The following SPATA2L variants were observed in gnomAD, a reference collection of about 807,000 sequenced individuals.
SPATA2L encodes spermatogenesis associated 2 like, also known as spermatogenesis-associated protein 2-like protein.
Under a neutral mutation model 8.7 loss-of-function variants are expected in SPATA2L, and 5 were observed. The ratio of observed to expected loss-of-function variants is 0.57; its 90% CI spans 0.30 to 1.21. SPATA2L has a LOEUF of 1.21. SPATA2L is among the 50% of genes most tolerant of loss of function. The probability of loss-of-function intolerance (pLI) is 0.07; values close to 1 mark genes in which losing one functional copy is unlikely to be tolerated. For synonymous variants in SPATA2L, 358 were observed against 275.8 expected (o/e 1.30, Z -2.95); for missense variants, 671 against 591.0 (o/e 1.14, Z -1.40).
chr16:89,698,432 C>G, intron 2 of SPATA2L, 127 bp from the exon 3 acceptor site: 1 of 833,958 alleles, frequency 1.2e-6, no homozygotes, highest in Non-Finnish European at 1.8e-6. Flanking sequence ...ACCCCAGAGA[C>G]TAGGCTTAGC....
Position 89,697,351 on chromosome 16 carries a change from G to A in SPATA2L, c.1258C>T (p.Pro420Ser). ...AQMDTLLYNS[P>S]GARP ...CAGCTGGCCTAGGGCCGGGCCCCGG[G>A]GCTGTTGTAGAGCAGAGTGTCCATC... Residue 420 changes from proline to serine, a missense_variant, in exon 3 of 3, where the codon CCC becomes TCC. Coordinates refer to ENST00000289805, the MANE Select transcript of SPATA2L (RefSeq NM_152339.4). 1 of 1,523,612 alleles carries A rather than the reference G, an allele frequency of 6.6e-7. No homozygotes were observed. Among genetic ancestry groups the A allele is most frequent in the Non-Finnish European group, 8.8e-7 (1 of 1,134,412 alleles). 94.4% of individuals were successfully genotyped at this position (1,523,612 alleles called of 1,614,324 possible).
At position 89,698,287 on chromosome 16, in the gene SPATA2L, C is replaced by T. The variant is rs2060751293; in HGVS notation, c.322G>A (p.Val108Met). The change falls in exon 3 of 3, where the codon GTG becomes ATG. Residue 108 changes from valine to methionine, a missense_variant. Coordinates refer to ENST00000289805, the MANE Select transcript of SPATA2L (RefSeq NM_152339.4). ...GAGAGCACACCCTTCAGCACGTGCA[C>T]GTAGCCCCCAGAGAAGGTCTGCAAG... ...TTIKTFSGGY[V>M]HVLKGVLSDD... The T allele has an allele frequency of 1.3e-6, 2 of 1,573,782 alleles. No individual in the cohort carries two copies. The highest frequency in any genetic ancestry group is 1.7e-6 in the Non-Finnish European group (2 of 1,156,730).
chr16:89,698,532 C>T lies in SPATA2L; in HGVS notation c.304-227G>A, dbSNP rs1368842807. The stretch of plus-strand genomic sequence containing the variant: ...ACAGAGTCTTGCTCTGTCATCCAGG[C>T]TGGAGTGCAGTGGCTCCATCTCAGC... On this transcript the variant is annotated intron_variant, in intron 2 of 2. Transcript: ENST00000289805. Among the ~76,000 whole-genome samples the T allele has an allele frequency of 7.9e-5, 9 of 114,524 alleles. No homozygotes were observed. In the East Asian group the frequency reaches 2.7e-3, roughly 34 times the overall value. The allele number at this position is 114,524 out of a possible 152,430, so 75.1% of individuals were successfully genotyped here. A position where few individuals can be genotyped will look rare whatever the true frequency, so the allele number is the denominator to read the frequency against.
chr16:89,698,474 C>CTTTTTTTT (rs61610413), intron 2 of SPATA2L, among the ~76,000 whole-genome samples, 169 bp from the exon 3 acceptor site: 3 of 54,110 alleles, frequency 5.5e-5, no homozygotes, highest in Non-Finnish European at 9.7e-5. Context: ...ATGATGATTT[C>CTTTTTTTT]TTTTTTTTTT....
In SPATA2L at chr16:89,698,192, C is replaced by T. The variant is rs2060750432; in HGVS notation, c.417G>A (p.Val139=). The T allele has an allele frequency of 1.2e-6, 2 of 1,612,980 alleles. No individual in the cohort carries two copies. Among genetic ancestry groups the T allele is most frequent in the Non-Finnish European group, 8.5e-7 (1 of 1,179,906 alleles). Reference sequence around the variant, plus strand: ...GCTGGCAGGCGGGGGGCAGGGCGGTCACCATGAGCCGATGGCTGTCTCTGC... The same window carrying T: ...GCTGGCAGGCGGGGGGCAGGGCGGTTACCATGAGCCGATGGCTGTCTCTGC... ...YVRRDSHRLM[V]TALPPACQLV... The change falls in exon 3 of 3, where the codon GTG becomes GTA. Residue 139 remains valine (V), a synonymous_variant. Coordinates refer to ENST00000289805, the MANE Select transcript of SPATA2L (RefSeq NM_152339.4).
At chr16:89,701,463 C>T (rs541669292) in intron 1 of SPATA2L, 165 bp downstream of exon 1, 8 of 421,766 alleles carry the variant, frequency 1.9e-5, no homozygotes, top group African/African-American at 1.7e-4. Context: ...GCCCCCGCAC[C>T]TCCAGCCCCT....
At chr16:89,698,648 G>C (rs981702744) in intron 2 of SPATA2L, among the ~76,000 whole-genome samples, 4 of 150,718 alleles carry the variant, frequency 2.7e-5, no homozygotes, top group Non-Finnish European at 5.9e-5. Flanking sequence ...CACCACACCC[G>C]GCTAATTTTC....
chr16:89,701,541 A>C, intron 1 of SPATA2L, 87 bp downstream of exon 1: 1 of 342,232 alleles, frequency 2.9e-6, no homozygotes, highest in Non-Finnish European at 5.3e-6. Context: ...TTCTCTAGAG[A>C]CGCGCTTCCG....
rs919279558 is a variant in SPATA2L at position 89,701,134 on chromosome 16, C to A, written c.99G>T (p.Ala33=). The A allele has an allele frequency of 2.0e-6, 3 of 1,530,368 alleles. No individual in the cohort carries two copies. Among genetic ancestry groups the A allele is most frequent in the African/African-American group, 1.4e-5 (1 of 70,812 alleles). The allele number at this position is 1,530,368 out of a possible 1,614,324, so 94.8% of individuals were successfully genotyped here. The change falls in exon 2 of 3, where the codon GCG becomes GCT. Residue 33 remains alanine (A), a synonymous_variant. Transcript: ENST00000289805. ...AGVCGDPSLR[A]VLWQILVEDF... ...CCTCCACCAGGATCTGCCAGAGCACCGCGCGCAGCGAGGGGTCCCCGCACA... is the reference window on the plus strand; with the variant it reads ...CCTCCACCAGGATCTGCCAGAGCACAGCGCGCAGCGAGGGGTCCCCGCACA...
chr16:89,698,474 C>CT lies in SPATA2L; in HGVS notation c.304-170dup, dbSNP rs61610413. Among the ~76,000 whole-genome samples the CT allele has an allele frequency of 1.9e-3, 103 of 54,140 alleles. 3 individuals carry two copies. The highest frequency in any genetic ancestry group is 3.9e-3 in the African/African-American group (55 of 14,164). 35.5% of individuals were successfully genotyped at this position (54,140 alleles called of 152,430 possible). A position where few individuals can be genotyped will look rare whatever the true frequency, so the allele number is the denominator to read the frequency against. ...GGGCCAGGCCCAAACATGATGATTTCTTTTTTTTTTTTTTTTTTTTTTTTT... is the reference window on the plus strand; with the variant it reads ...GGGCCAGGCCCAAACATGATGATTTCTTTTTTTTTTTTTTTTTTTTTTTTTT... On this transcript the variant is annotated intron_variant, in intron 2 of 2. Coordinates refer to ENST00000289805, the MANE Select transcript of SPATA2L (RefSeq NM_152339.4).
chr16:89,700,983 C>A lies in SPATA2L; in HGVS notation c.250G>T (p.Ala84Ser), dbSNP rs1013372713. 1.3e-6 allele frequency: 2 copies of A among 1,559,346 alleles called. No homozygotes were observed. The highest frequency in any genetic ancestry group is 1.7e-6 in the Non-Finnish European group (2 of 1,154,218). ...GGCAGCAGGTACAGGTGCACCGCGG[C>A]GAGCTCCAGAAGCTCGAAGGCGCGA... ...LARAFELLEL[A>S]AVHLYLLPWR... The change falls in exon 2 of 3, where the codon GCC becomes TCC. Residue 84 changes from alanine (A) to serine (S), a missense_variant. Physicochemically the swap from Ala to Ser is moderately conservative, Grantham distance 99. Coordinates refer to ENST00000289805, the MANE Select transcript of SPATA2L (RefSeq NM_152339.4).
rs1357338485 is a variant in SPATA2L, at chr16:89,696,421, G to T, written c.*913C>A. 1 of 271,846 alleles carries T rather than the reference G, an allele frequency of 3.7e-6. No individual in the cohort carries two copies. The highest frequency in any genetic ancestry group is 7.0e-6 in the Non-Finnish European group (1 of 142,576). The allele number at this position is 271,846 out of a possible 1,614,324, so 16.8% of individuals were successfully genotyped here. A position where few individuals can be genotyped will look rare whatever the true frequency, so the allele number is the denominator to read the frequency against. The stretch of plus-strand genomic sequence containing the variant: ...CCCTCTGAGTGTTCTGGGGAGGAGG[G>T]GGTGGGGCGGAGGGTCAGGAAAGCA... On this transcript the variant is annotated 3_prime_UTR_variant, in exon 3 of 3. Coordinates refer to ENST00000289805, the MANE Select transcript of SPATA2L (RefSeq NM_152339.4).
chr16:89,697,675 G>C lies in SPATA2L; in HGVS notation c.934C>G (p.Leu312Val). Residue 312 changes from leucine to valine, a missense_variant, in exon 3 of 3, where the codon CTG becomes GTG. By Grantham distance (32) the Leu-to-Val change is conservative. Transcript: ENST00000289805. ...CCAGGCCTACTCAGCTCACGGCGCA[G>C]AGAGAGGAAGGAGAAGGCGGAAGGT... ...PEPSAFSFLS[L>V]RRELSRPGDL... 1.2e-6 allele frequency: 2 copies of C among 1,611,502 alleles called. No homozygotes were observed. Among genetic ancestry groups the C allele is most frequent in the Non-Finnish European group, 1.7e-6 (2 of 1,179,810 alleles).
Position 89,696,766 on chromosome 16 carries a change from G to T in SPATA2L, c.*568C>A. 1.3e-6 allele frequency: 2 copies of T among 1,530,134 alleles called. No individual in the cohort carries two copies. Among genetic ancestry groups the T allele is most frequent in the Non-Finnish European group, 1.8e-6 (2 of 1,142,752 alleles). 94.8% of individuals were successfully genotyped at this position (1,530,134 alleles called of 1,614,324 possible). ...TTTGAGGTCAGGTCATTTCCTGTCTGTGGGCCCAGCTGCTGTGACACCCAA... is the reference window on the plus strand; with the variant it reads ...TTTGAGGTCAGGTCATTTCCTGTCTTTGGGCCCAGCTGCTGTGACACCCAA... On this transcript the variant is annotated 3_prime_UTR_variant, in exon 3 of 3. Transcript: ENST00000289805.
chr16:89,698,019 G>C lies in SPATA2L; in HGVS notation c.590C>G (p.Ala197Gly). 1.2e-6 allele frequency: 2 copies of C among 1,600,324 alleles called. No individual in the cohort carries two copies. Among genetic ancestry groups the C allele is most frequent in the Non-Finnish European group, 1.7e-6 (2 of 1,177,550 alleles). Residue 197 changes from alanine to glycine, a missense_variant, in exon 3 of 3, where the codon GCC becomes GGC. Ala to Gly is a moderately conservative substitution (Grantham distance 60, BLOSUM62 0). Transcript: ENST00000289805. ...RASGDVASCV[A>G]WLQQRLAQDE... is the part of the protein sequence containing the mutation. ...CTGGGCCAGCCGCTGCTGCAGCCAG[G>C]CCACACAGGAGGCCACGTCCCCGCT...
rs760955713 is a variant in SPATA2L at position 89,697,635 on chromosome 16, G to A, written c.974C>T (p.Pro325Leu). 11 of 1,607,472 alleles carry A rather than the reference G, an allele frequency of 6.8e-6. No individual in the cohort carries two copies. In the South Asian group the frequency reaches 1.1e-4, roughly 16 times the overall value. The change falls in exon 3 of 3, where the codon CCT (proline) becomes CTT (leucine). Residue 325 changes from proline (P) to leucine (L), a missense_variant. Pro to Leu is a moderately conservative substitution (Grantham distance 98). Transcript: ENST00000289805. ...CGGGCTGGCCGCTGCAGAGCTTTCA[G>A]GGGTGGCCAGGTCCCCAGGCCTACT... ...ELSRPGDLAT[P>L]ESSAAASPRR...
In SPATA2L at chr16:89,696,716, G is replaced by C; in HGVS notation, c.*618C>G. The C allele has an allele frequency of 7.1e-7, 1 of 1,405,946 alleles. No homozygotes were observed. The allele number at this position is 1,405,946 out of a possible 1,614,324, so 87.1% of individuals were successfully genotyped here. A position where few individuals can be genotyped will look rare whatever the true frequency, so the allele number is the denominator to read the frequency against. On this transcript the variant is annotated 3_prime_UTR_variant, in exon 3 of 3. Transcript: ENST00000289805. ...GCTGTCAGCCACTGCCCGTTCCTGC[G>C]CCTCTCGTGCACCTCCACATCTGGT...
chr16:89,697,218 G>T lies in SPATA2L; in HGVS notation c.*116C>A. On this transcript the variant is annotated 3_prime_UTR_variant, in exon 3 of 3. Coordinates refer to ENST00000289805, the MANE Select transcript of SPATA2L (RefSeq NM_152339.4). Reference sequence around the variant, plus strand: ...GTTGGCCTGGACTCTCCAACCCCCTGCTGTGCCCAGGACTCCCCCAGGGAC... The same window carrying T: ...GTTGGCCTGGACTCTCCAACCCCCTTCTGTGCCCAGGACTCCCCCAGGGAC... The T allele has an allele frequency of 9.3e-6, 13 of 1,393,308 alleles. No individual in the cohort carries two copies. The highest frequency in any genetic ancestry group is 1.1e-5 in the Non-Finnish European group (12 of 1,077,134). The allele number at this position is 1,393,308 out of a possible 1,614,324, so 86.3% of individuals were successfully genotyped here.
chr16:89,698,715 G>A (rs1368429905), intron 2 of SPATA2L, among the ~76,000 whole-genome samples: 1 of 151,672 alleles, frequency 6.6e-6, no homozygotes, highest in East Asian at 1.9e-4. Flanking sequence ...TCAAACTCCT[G>A]ACCTCAAGTG....
Sources: gnomAD v4.1 joint callset for allele counts (sites outside exome capture counted in the v4.1 genomes callset) on GRCh38, gnomAD v4.1.1 for gene constraint, MANE v1.5 for transcripts, NCBI Gene and HGNC (gene_info 2026-07-23, HGNC 2026-07-21) for gene names.